Variants in CD53 observed in about 807,000 individuals in gnomAD.
The protein encoded by CD53 is CD53 molecule.
Under a neutral mutation model 27.3 loss-of-function variants are expected in CD53, and 20 were observed. The observed-to-expected ratio is 0.73, with a 90% CI of 0.52 to 1.07. The LOEUF is 1.07. Ranked by LOEUF, CD53 falls within the 50% of genes least tolerant of loss-of-function variation. CD53 has a pLI of 0.00. For missense variants in CD53, 216 were observed against 264.0 expected (o/e 0.82, Z 1.26); for synonymous variants, 106 against 105.3 (o/e 1.01, Z -0.04).
At chr1:110,883,198 A>G (rs530204465) in intron 1 of CD53, among the ~76,000 whole-genome samples, 101 of 152,104 alleles carry the variant, frequency 6.6e-4, no homozygotes, top group Non-Finnish European at 1.3e-3. Context: ...TATGCCCTTC[A>G]TAAATGCCTT....
At chr1:110,880,528 C>A (rs1184041942) in intron 1 of CD53, among the ~76,000 whole-genome samples, 1 of 152,078 alleles carries the variant, frequency 6.6e-6, no homozygotes, top group Non-Finnish European at 1.5e-5. Flanking sequence ...TCACAGGATA[C>A]CAGGATGTTG....
chr1:110,879,917 G>C (rs1656287473), intron 1 of CD53, among the ~76,000 whole-genome samples: 2 of 151,960 alleles, frequency 1.3e-5, no homozygotes, highest in Admixed American at 1.3e-4. Context: ...TTCTAAGCTT[G>C]ATTAAATTCA....
intron 7 of CD53, among the ~76,000 whole-genome samples, chr1:110,898,645 T>C (rs1657172404): frequency 6.6e-6 from 1 of 151,770 alleles, no homozygotes; most frequent in Non-Finnish European, 1.5e-5. Context: ...TTGAGGGTAG[T>C]TTTTTGTCCT....
rs1157963702 is a variant in CD53 at position 110,894,472 on chromosome 1, C to G, written c.327+71C>G. The stretch of plus-strand genomic sequence containing the variant: ...GGAGTATGCAGTGGAGAAGTTGGTA[C>G]AAAGTTACAGAATAAGTTCTATAAT... On this transcript the variant is annotated intron_variant, in intron 4 of 7. Transcript: ENST00000271324. The G allele has an allele frequency of 2.6e-6, 3 of 1,141,336 alleles. No homozygotes were observed. In the East Asian group the frequency reaches 7.1e-5, roughly 27 times the overall value. 70.7% of individuals were successfully genotyped at this position (1,141,336 alleles called of 1,614,324 possible).
intron 1 of CD53, among the ~76,000 whole-genome samples, chr1:110,882,179 T>C (rs1045349609): frequency 3.3e-5 from 5 of 152,154 alleles, no homozygotes; most frequent in Non-Finnish European, 5.9e-5. Flanking sequence ...ACTCTTTGCA[T>C]AACCAAGGTT....
intron 1 of CD53, among the ~76,000 whole-genome samples, chr1:110,886,865 A>T (rs946521395): frequency 8.6e-4 from 38 of 44,350 alleles, no homozygotes; most frequent in South Asian, 1.3e-3. Context: ...ATATATATAT[A>T]TATATTTTTT....
chr1:110,886,719 C>T (rs965358955), intron 1 of CD53, among the ~76,000 whole-genome samples: 9 of 151,446 alleles, frequency 5.9e-5, no homozygotes, highest in Non-Finnish European at 1.0e-4. Flanking sequence ...CATGGTGGCA[C>T]GTGCTGTGGT....
chr1:110,888,392 C>T (rs1656713666), intron 1 of CD53, among the ~76,000 whole-genome samples: 1 of 152,196 alleles, frequency 6.6e-6, no homozygotes, highest in African/African-American at 2.4e-5. Context: ...GGCTCTCCCT[C>T]TATGCTCCAT....
At chr1:110,889,846 A>G (rs1230383903) in intron 1 of CD53, among the ~76,000 whole-genome samples, 1 of 152,220 alleles carries the variant, frequency 6.6e-6, no homozygotes, top group African/African-American at 2.4e-5. Context: ...CTTCTGATAT[A>G]TATTCAAATG....
chr1:110,894,213 G>A lies in CD53; in HGVS notation c.253-114G>A, dbSNP rs1656967296. 4 of 821,792 alleles carry A rather than the reference G, an allele frequency of 4.9e-6. No individual in the cohort carries two copies. In the Admixed American group the frequency reaches 6.1e-5, roughly 13 times the overall value. 50.9% of individuals were successfully genotyped at this position (821,792 alleles called of 1,614,324 possible). A position where few individuals can be genotyped will look rare whatever the true frequency, so the allele number is the denominator to read the frequency against. On this transcript the variant is annotated intron_variant, in intron 3 of 7. Transcript: ENST00000271324. Reference sequence around the variant, plus strand: ...AGAAGGCTTACAACGGCCTGAGGAGGCAGAACAGGAACACCCTGTACTCGT... The same window carrying A: ...AGAAGGCTTACAACGGCCTGAGGAGACAGAACAGGAACACCCTGTACTCGT...
chr1:110,879,776 C>T (rs1054241709), intron 1 of CD53, among the ~76,000 whole-genome samples: 1 of 151,810 alleles, frequency 6.6e-6, no homozygotes, highest in Admixed American at 6.6e-5. Flanking sequence ...CTATGTTGTT[C>T]AGGCTGGTCT....
At chr1:110,874,411 A>T (rs1366613532) in intron 1 of CD53, among the ~76,000 whole-genome samples, 1 of 152,220 alleles carries the variant, frequency 6.6e-6, no homozygotes, top group East Asian at 1.9e-4. Flanking sequence ...GAAAAGGTAG[A>T]AGGAGAATAT....
intron 2 of CD53, 115 bp downstream of exon 2, chr1:110,891,586 C>T (rs1444663449): frequency 3.9e-6 from 3 of 760,050 alleles, no homozygotes; most frequent in Admixed American, 4.2e-5. Context: ...TGGGTCATGT[C>T]CAGCACAACC....
chr1:110,894,225 C>A, intron 3 of CD53, 102 bp from the exon 4 acceptor site: 2 of 925,752 alleles, frequency 2.2e-6, no homozygotes, highest in Admixed American at 1.9e-5. Flanking sequence ...AGAACAGGAA[C>A]ACCCTGTACT....
upstream of CD53, among the ~76,000 whole-genome samples, chr1:110,872,194 A>G (rs1018540960): frequency 3.9e-5 from 6 of 152,334 alleles, no homozygotes; most frequent in African/African-American, 9.6e-5. Context: ...CTTTGACCCA[A>G]TCTAAGAAAA....
At chr1:110,877,428 C>G (rs780359183) in intron 1 of CD53, among the ~76,000 whole-genome samples, 2 of 152,160 alleles carry the variant, frequency 1.3e-5, no homozygotes, top group Admixed American at 6.5e-5. Flanking sequence ...CCTAGGAGGA[C>G]GGAGAACCTC....
At chr1:110,877,563 TG>T (rs1324263216) in intron 1 of CD53, among the ~76,000 whole-genome samples, 1 of 152,202 alleles carries the variant, frequency 6.6e-6, no homozygotes, top group Non-Finnish European at 1.5e-5. Context: ...AGCTCCCACA[TG>T]GGAGGAAGTG....
intron 1 of CD53, among the ~76,000 whole-genome samples, chr1:110,886,869 A>ATATATAT (rs1298376721): frequency 6.2e-4 from 51 of 82,774 alleles, no homozygotes; most frequent in East Asian, 1.0e-3. Context: ...ATATATATAT[A>ATATATAT]TTTTTTTTTT....
At chr1:110,889,555 C>CAAATAAAT (rs57083589) in intron 1 of CD53, among the ~76,000 whole-genome samples, 25,995 of 146,124 alleles carry the variant, frequency 0.18, 2,601 homozygotes, top group East Asian at 0.31. Flanking sequence ...AAAACTCCGT[C>CAAATAAAT]AAATAAATAA....
Sources: gnomAD v4.1 joint callset for allele counts (sites outside exome capture counted in the v4.1 genomes callset) on GRCh38, gnomAD v4.1.1 for gene constraint, MANE v1.5 for transcripts, NCBI Gene and HGNC (gene_info 2026-07-23, HGNC 2026-07-21) for gene names.